NPIPB2: variants seen among roughly 807,000 people sequenced by gnomAD.
NPIPB2 encodes nuclear pore complex-interacting protein family member B2.
NPIPB2 carries 27 observed loss-of-function variants against 30.8 expected under a neutral mutation model. The ratio of observed to expected loss-of-function variants is 0.88; its 90% confidence interval spans 0.65 to 1.21. NPIPB2 has a LOEUF of 1.21. Among genes scored for constraint, NPIPB2 ranks in the 50% most tolerant of loss-of-function variants. NPIPB2 has a pLI of 0.00. For synonymous variants in NPIPB2, 147 were observed against 162.0 expected (o/e 0.91, Z 0.70); for missense variants, 440 against 446.2 (o/e 0.99, Z 0.13).
At chr16:11,942,621 C>T (rs142695351), upstream of NPIPB2, among the ~76,000 whole-genome samples, 6,217 of 152,248 alleles carry the variant, frequency 0.041, 161 homozygotes, top group Middle Eastern at 0.088. Flanking sequence ...CTCTCAGGGA[C>T]GTCCAAGGAA....
At chr16:11,940,620 A>C (rs76731490) in intron 1 of NPIPB2, among the ~76,000 whole-genome samples, 14,361 of 143,624 alleles carry the variant, frequency 0.1, 2,265 homozygotes, top group African/African-American at 0.33. Context: ...TAAAAATACA[A>C]AAATTAGCCA....
chr16:11,937,835 A>C (rs1423015508), intron 1 of NPIPB2, among the ~76,000 whole-genome samples, 167 bp from the exon 2 acceptor site: 1 of 152,236 alleles, frequency 6.6e-6, no homozygotes, highest in Non-Finnish European at 1.5e-5. Context: ...GTTAGAAGTC[A>C]CATGTTTTTC....
At chr16:11,951,179 G>T (rs554846532) in intron 1 of NPIPB2, among the ~76,000 whole-genome samples, 1 of 151,802 alleles carries the variant, frequency 6.6e-6, no homozygotes, top group East Asian at 1.9e-4. Context: ...TTACTCGGCC[G>T]GGCGCAGTGG....
chr16:11,935,619 T>C (rs536322355), intron 2 of NPIPB2, among the ~76,000 whole-genome samples: 1 of 152,042 alleles, frequency 6.6e-6, no homozygotes, highest in South Asian at 2.1e-4. Flanking sequence ...TGGCCTGAAA[T>C]AATATCTTTC....
At chr16:11,946,236 T>C (rs2055007960), upstream of NPIPB2, among the ~76,000 whole-genome samples, 1 of 151,370 alleles carries the variant, frequency 6.6e-6, no homozygotes, top group Non-Finnish European at 1.5e-5. Flanking sequence ...AAATGCAAAA[T>C]TAGCCAGGCA....
intron 1 of NPIPB2, among the ~76,000 whole-genome samples, chr16:11,973,199 A>C (rs2055246787): frequency 1.3e-5 from 2 of 149,568 alleles, no homozygotes; most frequent in Admixed American, 6.7e-5. Context: ...CTATTCTATC[A>C]GTAATTCTAA....
At chr16:11,936,893 G>C (rs1254506418) in intron 2 of NPIPB2, among the ~76,000 whole-genome samples, 3 of 151,220 alleles carry the variant, frequency 2.0e-5, no homozygotes, top group Non-Finnish European at 2.9e-5. Flanking sequence ...CCTTCTGGCA[G>C]TTTGTCACCT....
chr16:11,927,348 T>C (rs748085969), downstream of NPIPB2: 3 of 835,778 alleles, frequency 3.6e-6, no homozygotes, highest in Non-Finnish European at 5.9e-6. Flanking sequence ...TTTTATTTTG[T>C]TCTACTCAGT....
At chr16:11,927,807 A>C (rs1417761098) in exon 8 of NPIPB2, 1 of 1,508,934 alleles carries the variant, frequency 6.6e-7, no homozygotes, top group Non-Finnish European at 8.9e-7. Context: ...CTGTTTTTTA[A>C]AGTTTCAGCT....
upstream of NPIPB2, chr16:11,942,115 C>T: frequency 6.5e-7 from 1 of 1,532,252 alleles, no homozygotes; most frequent in Non-Finnish European, 8.7e-7. Flanking sequence ...GTCCATCAAC[C>T]TGTATCTCAG....
intron 1 of NPIPB2, chr16:11,965,497 T>C (rs769242384): frequency 6.2e-7 from 1 of 1,604,184 alleles, no homozygotes; most frequent in Non-Finnish European, 8.5e-7. Context: ...GTGTGAACTA[T>C]TCTGTCTATA....
chr16:11,949,836 T>C (rs1012591589), intron 1 of NPIPB2, among the ~76,000 whole-genome samples: 11 of 152,276 alleles, frequency 7.2e-5, no homozygotes, highest in African/African-American at 2.6e-4. Flanking sequence ...TTGAAGCCAG[T>C]TTCCCCCAGA....
At chr16:11,949,556 C>T (rs957026340) in intron 1 of NPIPB2, among the ~76,000 whole-genome samples, 1 of 152,224 alleles carries the variant, frequency 6.6e-6, no homozygotes, top group African/African-American at 2.4e-5. Flanking sequence ...AAATCAGCAG[C>T]AGCTTATTCA....
upstream of NPIPB2, among the ~76,000 whole-genome samples, chr16:11,945,128 G>T (rs1186090227): frequency 6.6e-6 from 1 of 151,670 alleles, no homozygotes; most frequent in Non-Finnish European, 1.5e-5. Flanking sequence ...CAGAGGTTGC[G>T]GTGGCCGAGA....
At chr16:11,962,197 TA>T (rs34733614) in intron 1 of NPIPB2, among the ~76,000 whole-genome samples, 12,455 of 95,614 alleles carry the variant, frequency 0.13, 978 homozygotes, top group African/African-American at 0.26. Flanking sequence ...CACCCTGTCT[TA>T]AAAAAAAAAA....
chr16:11,934,909 C>T (rs1167362201), intron 2 of NPIPB2, among the ~76,000 whole-genome samples: 4 of 145,188 alleles, frequency 2.8e-5, no homozygotes, highest in Admixed American at 7.0e-5. Flanking sequence ...CTGAACTGTA[C>T]ACTTCAACAC....
upstream of NPIPB2, among the ~76,000 whole-genome samples, chr16:11,945,216 A>G (rs1473812191): frequency 6.6e-6 from 1 of 151,890 alleles, no homozygotes; most frequent in Non-Finnish European, 1.5e-5. Flanking sequence ...AAATAAATAA[A>G]TATATAAAAA....
At chr16:11,969,408 C>A (rs2055220944) in intron 1 of NPIPB2, among the ~76,000 whole-genome samples, 1 of 152,062 alleles carries the variant, frequency 6.6e-6, no homozygotes, top group Non-Finnish European at 1.5e-5. Context: ...AGGTGCCCGC[C>A]ACTGCGCCTG....
chr16:11,952,959 C>A (rs2150929400), intron 1 of NPIPB2, among the ~76,000 whole-genome samples: 1 of 152,210 alleles, frequency 6.6e-6, no homozygotes, highest in African/African-American at 2.4e-5. Flanking sequence ...CCCTTGGATT[C>A]TAAAAAGACT....
Sources: allele counts gnomAD v4.1 joint callset (sites outside exome capture counted in the v4.1 genomes callset), GRCh38; gene constraint gnomAD v4.1.1; transcripts MANE v1.5; gene names NCBI Gene and HGNC (gene_info 2026-07-23, HGNC 2026-07-21).